The following ADK variants were observed in gnomAD, a reference collection of about 807,000 sequenced individuals.
ADK encodes the protein N6,N6-dimethyladenosine kinase.
In ADK, 24 loss-of-function variants were observed where a neutral mutation model predicts 44.7. That is an observed-to-expected ratio of 0.54 (90% CI 0.39 to 0.76). ADK has a LOEUF of 0.76. ADK is among the 30% of genes least tolerant of loss of function. The probability of loss-of-function intolerance (pLI) is 0.00; values close to 1 mark genes in which losing one functional copy is unlikely to be tolerated. For missense variants in ADK, 321 were observed against 425.1 expected, an observed-to-expected ratio of 0.76 and a Z score of 2.15; for synonymous variants, 128 against 142.6, an observed-to-expected ratio of 0.90 and a Z score of 0.73.
intron 6 of ADK, among the ~76,000 whole-genome samples, chr10:74,455,957 G>A (rs1025979800): frequency 1.3e-5 from 2 of 151,978 alleles, no homozygotes; most frequent in African/African-American, 4.8e-5. Flanking sequence ...CAACCTTTGT[G>A]AATCTGACGA....
chr10:74,683,539 T>C (rs1855691400), intron 10 of ADK, among the ~76,000 whole-genome samples: 1 of 152,178 alleles, frequency 6.6e-6, no homozygotes, highest in South Asian at 2.1e-4. Context: ...CCAGATAACT[T>C]GGATAGGGCC....
In ADK at chr10:74,240,372, T is replaced by TTGTGTGTGTGTGTGTGTG. The variant is rs142465407; in HGVS notation, c.194+15793_194+15810dup. On this transcript the variant is annotated intron_variant, in intron 3 of 10. Coordinates refer to ENST00000539909, the MANE Select transcript of ADK (RefSeq NM_006721.4). ...AGCCTGTCAGTGTTTTCCTTTTATT[T>TTGTGTGTGTGTGTGTGTG]TGTGTGTGTGTGTGTGTGTGTGTGT... is the stretch of plus-strand genomic sequence containing the variant. Among the ~76,000 whole-genome samples the TTGTGTGTGTGTGTGTGTG allele has an allele frequency of 1.2e-3, 176 of 147,236 alleles. 1 individual carries two copies. Among genetic ancestry groups the TTGTGTGTGTGTGTGTGTG allele is most frequent in the African/African-American group, 3.8e-3 (152 of 40,232 alleles).
At chr10:74,155,817 C>G (rs1317948976) in intron 1 of ADK, among the ~76,000 whole-genome samples, 8 of 152,190 alleles carry the variant, frequency 5.3e-5, no homozygotes, top group Admixed American at 3.9e-4. Context: ...CAGGGGTGAG[C>G]CACCGTGCCC....
At chr10:74,298,179 G>A (rs1204250876) in intron 3 of ADK, among the ~76,000 whole-genome samples, 1 of 152,010 alleles carries the variant, frequency 6.6e-6, no homozygotes, top group East Asian at 1.9e-4. Flanking sequence ...AAATTCATAG[G>A]AACATAATTC....
intron 6 of ADK, among the ~76,000 whole-genome samples, chr10:74,456,681 A>C (rs1807486930): frequency 1.3e-5 from 2 of 151,082 alleles, no homozygotes; most frequent in Admixed American, 1.3e-4. Context: ...AAAAAAAAAA[A>C]AAAAAAAAAC....
At chr10:74,205,242 C>T (rs1472349950) in intron 2 of ADK, among the ~76,000 whole-genome samples, 1 of 151,994 alleles carries the variant, frequency 6.6e-6, no homozygotes, top group Non-Finnish European at 1.5e-5. Flanking sequence ...ATTCTGTTAT[C>T]TATCTATAAT....
intron 3 of ADK, among the ~76,000 whole-genome samples, chr10:74,291,689 T>A (rs1181426712): frequency 6.6e-6 from 1 of 151,634 alleles, no homozygotes; most frequent in Non-Finnish European, 1.5e-5. Flanking sequence ...TAACTTTTTA[T>A]AATCTTGTTT....
At chr10:74,637,778 C>T (rs918436050) in intron 9 of ADK, among the ~76,000 whole-genome samples, 5 of 152,168 alleles carry the variant, frequency 3.3e-5, no homozygotes, top group African/African-American at 1.2e-4. Flanking sequence ...CTTGAGACTG[C>T]TGAGTCTAGA....
At chr10:74,414,230 G>C (rs1045543075) in intron 6 of ADK, among the ~76,000 whole-genome samples, 8 of 152,050 alleles carry the variant, frequency 5.3e-5, no homozygotes, top group African/African-American at 1.9e-4. Context: ...TAATAAAAAG[G>C]TATCTGTGAA....
At position 74,201,670 on chromosome 10, in the gene ADK, A is replaced by G. The variant is rs555565678; in HGVS notation, c.140+832A>G. 1.0e-4 allele frequency among the ~76,000 whole-genome samples: 13 copies of G among 125,756 alleles called. No homozygotes were observed. The South Asian group carries it at 3.2e-3, about 31-fold the overall frequency. 82.5% of individuals were successfully genotyped at this position (125,756 alleles called of 152,430 possible). On this transcript the variant is annotated intron_variant, in intron 2 of 10. Transcript: ENST00000539909. Reference sequence around the variant, plus strand: ...TATGTATGTATGTATGTATGTATGTATGTATGTATCTATCTATCTATCTAT... The same window carrying G: ...TATGTATGTATGTATGTATGTATGTGTGTATGTATCTATCTATCTATCTAT...
chr10:74,486,605 A>T (rs1476458986), intron 6 of ADK, among the ~76,000 whole-genome samples: 2 of 152,156 alleles, frequency 1.3e-5, no homozygotes, highest in African/African-American at 4.8e-5. Context: ...AAGCAAAGTG[A>T]TGTATGGATT....
intron 9 of ADK, among the ~76,000 whole-genome samples, chr10:74,625,534 T>G (rs1853161906): frequency 6.6e-6 from 1 of 152,118 alleles, no homozygotes; most frequent in South Asian, 2.1e-4. Context: ...AAGAAAGGAA[T>G]CACACTTCCA....
intron 9 of ADK, among the ~76,000 whole-genome samples, chr10:74,648,555 G>C (rs770581976): frequency 6.6e-6 from 1 of 151,818 alleles, no homozygotes; most frequent in Non-Finnish European, 1.5e-5. Flanking sequence ...GCACACGCCT[G>C]TAGTCCCTGC....
chr10:74,315,097 G>A (rs1006046098), intron 4 of ADK, among the ~76,000 whole-genome samples: 41 of 151,908 alleles, frequency 2.7e-4, no homozygotes, highest in African/African-American at 9.2e-4. Context: ...TTTGTTATGT[G>A]TACATTAACT....
At chr10:74,343,151 CT>C (rs1215889205) in intron 4 of ADK, among the ~76,000 whole-genome samples, 3 of 152,000 alleles carry the variant, frequency 2.0e-5, no homozygotes, top group Non-Finnish European at 1.5e-5. Context: ...GAGGAAGTTA[CT>C]TTCTATTTCT....
At chr10:74,449,775 A>G (rs541759201) in intron 6 of ADK, among the ~76,000 whole-genome samples, 2 of 152,300 alleles carry the variant, frequency 1.3e-5, no homozygotes, top group South Asian at 4.1e-4. Context: ...GTAAGAAATG[A>G]TGATCTCGAG....
intron 3 of ADK, among the ~76,000 whole-genome samples, chr10:74,227,513 C>T (rs1288755606): frequency 1.3e-5 from 2 of 152,076 alleles, no homozygotes; most frequent in East Asian, 3.9e-4. Flanking sequence ...AGTACAAGAC[C>T]AGCCTGGGAA....
At chr10:74,372,591 A>G (rs1173360635) in intron 4 of ADK, among the ~76,000 whole-genome samples, 1 of 152,230 alleles carries the variant, frequency 6.6e-6, no homozygotes, top group Non-Finnish European at 1.5e-5. Context: ...TGAAGTTATG[A>G]AACAATTTCA....
intron 3 of ADK, among the ~76,000 whole-genome samples, chr10:74,253,934 T>G (rs1845736637): frequency 6.6e-6 from 1 of 151,926 alleles, no homozygotes; most frequent in African/African-American, 2.4e-5. Flanking sequence ...GCCTAACAAA[T>G]TTTTGTATTT....
Sources: allele counts gnomAD v4.1 joint callset (sites outside exome capture counted in the v4.1 genomes callset), GRCh38; gene constraint gnomAD v4.1.1; transcripts MANE v1.5; gene names NCBI Gene and HGNC (gene_info 2026-07-23, HGNC 2026-07-21).